The following MYRIP variants were observed in gnomAD, a reference collection of about 807,000 sequenced individuals.
The protein encoded by MYRIP is myosin VIIA and Rab interacting protein.
MYRIP carries 49 observed loss-of-function variants against 98.0 expected under a neutral mutation model. The observed-to-expected ratio is 0.50, with a 90% CI of 0.40 to 0.63. MYRIP has a LOEUF of 0.63. MYRIP is among the 30% of genes least tolerant of loss of function. MYRIP has a pLI of 0.00. For synonymous variants in MYRIP, 404 were observed against 409.5 expected (o/e 0.99, Z 0.16); for missense variants, 1,004 against 1,058.2 (o/e 0.95, Z 0.71).
At chr3:39,944,101 A>G (rs780970363) in intron 2 of MYRIP, among the ~76,000 whole-genome samples, 7 of 152,168 alleles carry the variant, frequency 4.6e-5, no homozygotes, top group Non-Finnish European at 8.8e-5. Flanking sequence ...AAATCATACT[A>G]TTGTAGGCTC....
chr3:40,190,909 A>G (rs1951190913), intron 10 of MYRIP, among the ~76,000 whole-genome samples: 1 of 152,232 alleles, frequency 6.6e-6, no homozygotes, highest in Non-Finnish European at 1.5e-5. Context: ...GGCCTTGGGC[A>G]AGGCATCTCT....
chr3:40,155,591 AG>A (rs1950215203), intron 4 of MYRIP, among the ~76,000 whole-genome samples: 2 of 151,426 alleles, frequency 1.3e-5, no homozygotes, highest in South Asian at 4.2e-4. Context: ...TGGTTGAACT[AG>A]TTTACAGTCC....
chr3:39,952,067 C>T (rs986789449), intron 2 of MYRIP, among the ~76,000 whole-genome samples: 5 of 152,168 alleles, frequency 3.3e-5, no homozygotes, highest in South Asian at 2.1e-4. Context: ...TCTTCCCACC[C>T]TGGCCCCAAG....
At position 39,887,887 on chromosome 3, in the gene MYRIP, GACAA is replaced by G. The variant is rs541720551; in HGVS notation, c.-30-12896_-30-12893del. 1.9e-4 allele frequency among the ~76,000 whole-genome samples: 29 copies of G among 152,064 alleles called. No individual in the cohort carries two copies. The South Asian group carries it at 6.0e-3, about 32-fold the overall frequency. On this transcript the variant is annotated intron_variant, in intron 1 of 16. Transcript: ENST00000302541. ...CAAGCATTCTTCTACACCAACAACA[GACAA>G]ACAGAGAGCCAAATCATGAGTGAAC...
At chr3:40,133,191 G>C (rs1479421796) in intron 3 of MYRIP, among the ~76,000 whole-genome samples, 4 of 152,228 alleles carry the variant, frequency 2.6e-5, no homozygotes, top group Non-Finnish European at 4.4e-5. Context: ...GAAAATTCAT[G>C]TCTATTGAGT....
At chr3:39,830,945 C>G (rs77955631) in intron 1 of MYRIP, among the ~76,000 whole-genome samples, 4,218 of 152,254 alleles carry the variant, frequency 0.028, 185 homozygotes, top group East Asian at 0.22. Context: ...TCAACTTCAC[C>G]GGAAACTTTC....
intron 2 of MYRIP, among the ~76,000 whole-genome samples, chr3:40,013,422 A>G (rs745488884): frequency 7.2e-5 from 11 of 152,208 alleles, no homozygotes; most frequent in Non-Finnish European, 1.3e-4. Context: ...TAGGAGCCCA[A>G]GCTGTGCACA....
chr3:39,895,136 A>G lies in MYRIP; in HGVS notation c.-30-5651A>G, dbSNP rs185084933. ...CTTGTATTTTATGAGGGTGCTTAAT[A>G]TATTAGGATAATTATCTTTCCTGGT... On this transcript the variant is annotated intron_variant, in intron 1 of 16. Coordinates refer to ENST00000302541, the MANE Select transcript of MYRIP (RefSeq NM_015460.4). Among the ~76,000 whole-genome samples the G allele has an allele frequency of 1.7e-3, 252 of 151,578 alleles. 7 individuals carry two copies. The highest frequency in any genetic ancestry group is 0.015 in the Admixed American group (227 of 15,260).
chr3:39,997,038 G>A (rs1946378084), intron 2 of MYRIP, among the ~76,000 whole-genome samples: 1 of 152,162 alleles, frequency 6.6e-6, no homozygotes, highest in African/African-American at 2.4e-5. Flanking sequence ...AAAGCAGTGT[G>A]TAGAGGGAAA....
At chr3:39,881,556 C>G (rs1475713390) in intron 1 of MYRIP, among the ~76,000 whole-genome samples, 1 of 152,158 alleles carries the variant, frequency 6.6e-6, no homozygotes, top group Non-Finnish European at 1.5e-5. Context: ...GAGTCAGAGG[C>G]CTCAATGTTC....
chr3:39,814,896 A>G (rs767359503), intron 1 of MYRIP, among the ~76,000 whole-genome samples: 3 of 152,144 alleles, frequency 2.0e-5, no homozygotes, highest in Non-Finnish European at 4.4e-5. Context: ...GACATGGCCT[A>G]TCTCTATACA....
At chr3:39,906,336 G>C (rs957226867) in intron 2 of MYRIP, among the ~76,000 whole-genome samples, 2 of 152,020 alleles carry the variant, frequency 1.3e-5, no homozygotes, top group Non-Finnish European at 2.9e-5. Flanking sequence ...CTATCCCCAG[G>C]TTCTATGATT....
intron 12 of MYRIP, among the ~76,000 whole-genome samples, chr3:40,242,638 T>A (rs1039923442): frequency 6.6e-6 from 1 of 152,192 alleles, no homozygotes; most frequent in African/African-American, 2.4e-5. Context: ...CTTAGTTATG[T>A]CAAGTTATGT....
At chr3:40,047,505 C>T (rs1410058273) in intron 3 of MYRIP, among the ~76,000 whole-genome samples, 1 of 152,102 alleles carries the variant, frequency 6.6e-6, no homozygotes, top group African/African-American at 2.4e-5. Flanking sequence ...CAGAACACAC[C>T]CACACTTGTT....
intron 10 of MYRIP, among the ~76,000 whole-genome samples, chr3:40,204,245 T>G: frequency 9.2e-6 from 1 of 108,458 alleles, no homozygotes; most frequent in African/African-American, 3.4e-5. Context: ...ATTTTTTTTT[T>G]TTGAGACAGA....
At chr3:40,021,814 T>C (rs1947006073) in intron 2 of MYRIP, among the ~76,000 whole-genome samples, 1 of 152,210 alleles carries the variant, frequency 6.6e-6, no homozygotes, top group Admixed American at 6.5e-5. Flanking sequence ...AATTCTGACA[T>C]ATTGTACTTA....
intron 10 of MYRIP, among the ~76,000 whole-genome samples, chr3:40,191,248 G>C (rs1951201596): frequency 6.6e-6 from 1 of 151,996 alleles, no homozygotes. Flanking sequence ...TCACAATTTT[G>C]CTTTTGCTTA....
At chr3:40,219,740 G>T (rs1952270151) in intron 11 of MYRIP, among the ~76,000 whole-genome samples, 1 of 152,084 alleles carries the variant, frequency 6.6e-6, no homozygotes, top group Non-Finnish European at 1.5e-5. Flanking sequence ...ATCGTTTTTG[G>T]ACATTTGGCT....
intron 2 of MYRIP, among the ~76,000 whole-genome samples, chr3:39,976,059 T>G (rs1441457170): frequency 1.3e-5 from 2 of 152,092 alleles, no homozygotes; most frequent in East Asian, 3.8e-4. Flanking sequence ...GGGTTCTAAT[T>G]AAACTAAAGA....
Sources: allele counts gnomAD v4.1 joint callset (sites outside exome capture counted in the v4.1 genomes callset), GRCh38; gene constraint gnomAD v4.1.1; transcripts MANE v1.5; gene names NCBI Gene and HGNC (gene_info 2026-07-23, HGNC 2026-07-21).